Variants in GABRG3 observed in about 807,000 individuals in gnomAD.
The protein encoded by GABRG3 is gamma-aminobutyric acid type A receptor subunit gamma3.
In GABRG3, 25 loss-of-function variants were observed where a neutral mutation model predicts 48.8. That is an observed-to-expected ratio of 0.51 (90% confidence interval 0.37 to 0.72). The LOEUF is 0.72. Among genes scored for constraint, GABRG3 ranks in the 30% least tolerant of loss-of-function variants. The probability of loss-of-function intolerance (pLI) is 0.00; values close to 1 mark genes in which losing one functional copy is unlikely to be tolerated. For missense variants in GABRG3, 394 were observed against 577.9 expected, an observed-to-expected ratio of 0.68 and a Z score of 3.26; for synonymous variants, 227 against 217.6, an observed-to-expected ratio of 1.04 and a Z score of -0.38.
Position 27,327,046 on chromosome 15 carries a change from A to G in GABRG3, c.491+17A>G, listed in dbSNP as rs1439239170. On this transcript the variant is annotated intron_variant, in intron 4 of 9. Coordinates refer to ENST00000615808, the MANE Select transcript of GABRG3 (RefSeq NM_033223.5). ...CACTTTGAGGTAAGATGCTGCATCG[A>G]TCTTTGATTACTCCTGGTTTAAAAT... 7 of 1,591,574 alleles carry G rather than the reference A, an allele frequency of 4.4e-6. No homozygotes were observed. Among genetic ancestry groups the G allele is most frequent in the African/African-American group, 1.3e-5 (1 of 74,572 alleles).
intron 6 of GABRG3, among the ~76,000 whole-genome samples, chr15:27,481,498 A>G (rs1001215783): frequency 3.3e-5 from 5 of 152,032 alleles, no homozygotes; most frequent in African/African-American, 1.2e-4. Context: ...TACTGATATT[A>G]TTTGTTAGTA....
At position 27,136,565 on chromosome 15, in the gene GABRG3, T is replaced by C. The variant is rs188930384; in HGVS notation, c.270+109744T>C. Among the ~76,000 whole-genome samples the C allele has an allele frequency of 2.0e-3, 303 of 152,260 alleles. 2 individuals carry two copies. Among genetic ancestry groups the C allele is most frequent in the African/African-American group, 7.2e-3 (298 of 41,548 alleles). On this transcript the variant is annotated intron_variant, in intron 3 of 9. Coordinates refer to ENST00000615808, the MANE Select transcript of GABRG3 (RefSeq NM_033223.5). ...TTTCAGGCATGGGATCAGCTGTGGA[T>C]GACAGAGACCATTTCTCCAGTGGAT...
At chr15:27,274,000 T>C (rs1397636680) in intron 3 of GABRG3, among the ~76,000 whole-genome samples, 1 of 152,196 alleles carries the variant, frequency 6.6e-6, no homozygotes, top group Non-Finnish European at 1.5e-5. Flanking sequence ...CCTCCCAAGC[T>C]TGCGCATGTG....
chr15:27,267,601 A>G (rs1213711448), intron 3 of GABRG3, among the ~76,000 whole-genome samples: 1 of 152,132 alleles, frequency 6.6e-6, no homozygotes, highest in African/African-American at 2.4e-5. Flanking sequence ...AAGTCCAGCT[A>G]ATCTTAAGAA....
At position 27,477,146 on chromosome 15, in the gene GABRG3, C is replaced by T. The variant is rs1889964924; in HGVS notation, c.575-3504C>T. Among the ~76,000 whole-genome samples, 3 of 152,290 alleles carry T rather than the reference C, an allele frequency of 2.0e-5. No individual in the cohort carries two copies. The South Asian group carries it at 6.2e-4, about 32-fold the overall frequency. On this transcript the variant is annotated intron_variant, in intron 5 of 9. Coordinates refer to ENST00000615808, the MANE Select transcript of GABRG3 (RefSeq NM_033223.5). ...ACTTGCACCTGTATGTTTGTAGCAG[C>T]TTTATTCATAATTGCCCAAATGTAG...
In GABRG3 at chr15:27,447,988, C is replaced by A. The variant is rs1477723329; in HGVS notation, c.575-32662C>A. On this transcript the variant is annotated intron_variant, in intron 5 of 9. Coordinates refer to ENST00000615808, the MANE Select transcript of GABRG3 (RefSeq NM_033223.5). This position sits in a 1 kb window ranked among gnomAD's most constrained non-coding sequence, Gnocchi z 4.0. ...TATGTTCTGCACATGTATCCCAGAACTTAAAGTATAATAAGATAAAATACA... is the reference window on the plus strand; with the variant it reads ...TATGTTCTGCACATGTATCCCAGAAATTAAAGTATAATAAGATAAAATACA... 2.0e-5 allele frequency among the ~76,000 whole-genome samples: 3 copies of A among 152,024 alleles called. No homozygotes were observed. The highest frequency in any genetic ancestry group is 2.0e-4 in the Admixed American group (3 of 15,264).
At chr15:27,152,287 A>G (rs989886704) in intron 3 of GABRG3, among the ~76,000 whole-genome samples, 7 of 152,194 alleles carry the variant, frequency 4.6e-5, no homozygotes, top group African/African-American at 1.7e-4. Context: ...TGAGTTGGCC[A>G]TATATTTGGG....
At chr15:27,377,381 G>A (rs991881045) in intron 5 of GABRG3, among the ~76,000 whole-genome samples, 1 of 152,024 alleles carries the variant, frequency 6.6e-6, no homozygotes, top group Non-Finnish European at 1.5e-5. Flanking sequence ...CACTCTGCTG[G>A]TACCAATTTA....
intron 3 of GABRG3, among the ~76,000 whole-genome samples, chr15:27,108,178 C>T (rs1473421726): frequency 1.3e-5 from 2 of 152,088 alleles, no homozygotes; most frequent in African/African-American, 2.4e-5. Flanking sequence ...TTTTCTAATA[C>T]ATTTGTTTAA....
chr15:27,123,291 A>C (rs1253012242), intron 3 of GABRG3, among the ~76,000 whole-genome samples: 4 of 152,178 alleles, frequency 2.6e-5, no homozygotes, highest in Non-Finnish European at 5.9e-5. Flanking sequence ...GTGTCCCTGC[A>C]AAATTAGTAT....
At chr15:27,372,061 A>G (rs1032234182) in intron 5 of GABRG3, among the ~76,000 whole-genome samples, 4 of 152,150 alleles carry the variant, frequency 2.6e-5, no homozygotes, top group African/African-American at 9.7e-5. Flanking sequence ...GAACATAATT[A>G]GTAATATTTT....
At chr15:27,393,141 T>C (rs140780521) in intron 5 of GABRG3, among the ~76,000 whole-genome samples, 1,681 of 151,980 alleles carry the variant, frequency 0.011, 54 homozygotes, top group East Asian at 0.081. Flanking sequence ...GTCAGGAGAT[T>C]GAGACCATCC....
chr15:27,401,307 C>T (rs553449961), intron 5 of GABRG3, among the ~76,000 whole-genome samples: 2 of 152,208 alleles, frequency 1.3e-5, no homozygotes, highest in South Asian at 4.2e-4. Context: ...TCCTTAATTA[C>T]CATATGTATT....
intron 5 of GABRG3, among the ~76,000 whole-genome samples, chr15:27,414,258 C>G (rs1322769648): frequency 6.6e-6 from 1 of 152,114 alleles, no homozygotes; most frequent in African/African-American, 2.4e-5. Context: ...GTCCCAAAGC[C>G]CTCATGGTTT....
intron 5 of GABRG3, among the ~76,000 whole-genome samples, chr15:27,452,331 A>C (rs1420502708): frequency 6.6e-6 from 1 of 152,182 alleles, no homozygotes; most frequent in Non-Finnish European, 1.5e-5. Context: ...TGGTTCCTCA[A>C]AATACTAAAA....
chr15:27,055,280 A>T (rs996361928), intron 3 of GABRG3, among the ~76,000 whole-genome samples: 6 of 152,326 alleles, frequency 3.9e-5, no homozygotes, highest in African/African-American at 1.4e-4. Flanking sequence ...CTTAAGAAGG[A>T]TGGAAAGACC....
intron 5 of GABRG3, among the ~76,000 whole-genome samples, chr15:27,397,856 G>A (rs1467772785): frequency 7.4e-5 from 11 of 148,264 alleles, no homozygotes; most frequent in Non-Finnish European, 1.5e-5. Context: ...CCAGGCTGCA[G>A]TGCAGTGGTG....
chr15:26,980,908 A>C (rs1895042521), intron 2 of GABRG3, among the ~76,000 whole-genome samples: 1 of 152,062 alleles, frequency 6.6e-6, no homozygotes, highest in Non-Finnish European at 1.5e-5. Flanking sequence ...AACAGCAGAC[A>C]CTGGGGTCTA....
At chr15:27,492,628 C>G (rs953698276) in intron 6 of GABRG3, among the ~76,000 whole-genome samples, 2 of 152,230 alleles carry the variant, frequency 1.3e-5, no homozygotes, top group Non-Finnish European at 2.9e-5. Flanking sequence ...ACTGCTGATT[C>G]CATGCAGTGA....
Sources: allele counts gnomAD v4.1 joint callset (sites outside exome capture counted in the v4.1 genomes callset), GRCh38; gene constraint gnomAD v4.1.1; non-coding constraint Gnocchi (gnomAD v3.1); transcripts MANE v1.5; gene names NCBI Gene and HGNC (gene_info 2026-07-23, HGNC 2026-07-21).